Variants in CXCL12 observed in about 807,000 individuals in gnomAD.
The protein encoded by CXCL12 is C-X-C motif chemokine ligand 12, also known as stromal cell-derived factor 1.
CXCL12 carries 4 observed loss-of-function variants against 10.7 expected under a neutral mutation model. The ratio of observed to expected loss-of-function variants is 0.37; its 90% CI spans 0.18 to 0.86. The LOEUF (loss-of-function observed/expected upper bound fraction) is 0.86, where lower values mean the gene tolerates loss of function less well. CXCL12 is among the 40% of genes least tolerant of loss of function. The probability of loss-of-function intolerance (pLI) is 0.43; values close to 1 mark genes in which losing one functional copy is unlikely to be tolerated. For missense variants in CXCL12, 122 were observed against 110.4 expected (o/e 1.10, Z -0.47); for synonymous variants, 54 against 45.4 (o/e 1.19, Z -0.77).
At chr10:44,376,887 A>C (rs1016702825), downstream of CXCL12, among the ~76,000 whole-genome samples, 5 of 151,476 alleles carry the variant, frequency 3.3e-5, no homozygotes, top group Admixed American at 3.3e-4. Context: ...TTCTTCAGAA[A>C]ACCAGCACTG....
chr10:44,382,276 G>A (rs1343123042), intron 1 of CXCL12, among the ~76,000 whole-genome samples: 1 of 152,202 alleles, frequency 6.6e-6, no homozygotes, highest in East Asian at 1.9e-4. Flanking sequence ...AGCTGCACTG[G>A]GACCCTGCAG....
downstream of CXCL12, chr10:44,372,579 A>G: frequency 8.6e-7 from 1 of 1,157,008 alleles, no homozygotes; most frequent in East Asian, 3.6e-5. Context: ...AGACATTTTC[A>G]TTTCCTGCTT....
chr10:44,374,308 CG>C (rs367634600), downstream of CXCL12: 488 of 381,796 alleles, frequency 1.3e-3, 5 homozygotes, highest in African/African-American at 9.6e-3. Context: ...ATGTGGAGTC[CG>C]AAGAATGCAG....
chr10:44,377,259 A>C lies in CXCL12; in HGVS notation c.*1374T>G. 2.0e-6 allele frequency: 2 copies of C among 1,002,076 alleles called. No homozygotes were observed. The highest frequency in any genetic ancestry group is 2.4e-6 in the Non-Finnish European group (2 of 840,508). The allele number at this position is 1,002,076 out of a possible 1,614,324, so 62.1% of individuals were successfully genotyped here. A position where few individuals can be genotyped will look rare whatever the true frequency, so the allele number is the denominator to read the frequency against. On this transcript the variant is annotated 3_prime_UTR_variant, in exon 3 of 3. Coordinates refer to ENST00000343575, the MANE Select transcript of CXCL12 (RefSeq NM_199168.4). ...CTGCAATCACATTTATATATCATAT[A>C]TATTTCTTTACAAATTGCCAGTAGT...
Position 44,377,201 on chromosome 10 carries a change from G to C in CXCL12, c.*1432C>G. On this transcript the variant is annotated 3_prime_UTR_variant, in exon 3 of 3. Transcript: ENST00000343575. ...CACATTTGATACAATTTTAGTACAA[G>C]TGAAAAAATACACTGTGGCTAACAT... 1 of 986,932 alleles carries C rather than the reference G, an allele frequency of 1.0e-6. No homozygotes were observed. Among genetic ancestry groups the C allele is most frequent in the Non-Finnish European group, 1.2e-6 (1 of 831,016 alleles). The allele number at this position is 986,932 out of a possible 1,614,324, so 61.1% of individuals were successfully genotyped here. A position where few individuals can be genotyped will look rare whatever the true frequency, so the allele number is the denominator to read the frequency against.
downstream of CXCL12, chr10:44,374,293 G>A: frequency 2.7e-6 from 1 of 374,266 alleles, no homozygotes; most frequent in Non-Finnish European, 5.3e-6. Flanking sequence ...ACAAAGCCCT[G>A]CTGCATGTGG....
chr10:44,384,533 C>A (rs1444956878), intron 1 of CXCL12, among the ~76,000 whole-genome samples: 2 of 152,206 alleles, frequency 1.3e-5, no homozygotes, highest in African/African-American at 2.4e-5. Context: ...CAGCACTGTG[C>A]GCAGCAGGAC....
At chr10:44,373,278 G>T, downstream of CXCL12, 1 of 1,591,856 alleles carries the variant, frequency 6.3e-7, no homozygotes, top group African/African-American at 1.3e-5. Flanking sequence ...CCTAACACTG[G>T]TTTCAGAGCT....
downstream of CXCL12, chr10:44,372,628 C>A: frequency 7.5e-7 from 1 of 1,340,632 alleles, no homozygotes; most frequent in Non-Finnish European, 9.5e-7. Context: ...CCTGAGAGTC[C>A]TTTTGCAGGG....
downstream of CXCL12, chr10:44,371,123 A>C: frequency 4.8e-6 from 1 of 207,946 alleles, no homozygotes. Context: ...TGCAAATGGA[A>C]GACTGTATTT....
At chr10:44,373,848 C>A (rs376968192), downstream of CXCL12, among the ~76,000 whole-genome samples, 199 of 152,296 alleles carry the variant, frequency 1.3e-3, 1 homozygote, top group Non-Finnish European at 3.2e-4. Context: ...GGTGGGTGCA[C>A]AGGTGGCCAG....
downstream of CXCL12, chr10:44,374,232 G>T (rs978978878): frequency 5.7e-6 from 2 of 350,770 alleles, no homozygotes; most frequent in East Asian, 1.5e-4. Context: ...TCCCTAGGGG[G>T]CCAACAGCTT....
chr10:44,371,789 T>C (rs1839320596), downstream of CXCL12: 1 of 152,588 alleles, frequency 6.6e-6, no homozygotes, highest in Non-Finnish European at 1.5e-5. Context: ...AAATTTTTTT[T>C]AACTGGAGTC....
In CXCL12 at chr10:44,381,029, G is replaced by A. The variant is rs1214209885; in HGVS notation, c.62-149C>T. On this transcript the variant is annotated intron_variant, in intron 1 of 2. Coordinates refer to ENST00000343575, the MANE Select transcript of CXCL12 (RefSeq NM_199168.4). ...AGGTTACTGGTGTATGTTGGGAAAG[G>A]CCATCTCCTCAGGCAACACAGTGAG... 7 of 734,930 alleles carry A rather than the reference G, an allele frequency of 9.5e-6. 1 individual carries two copies. The Middle Eastern group carries it at 1.4e-3, about 145-fold the overall frequency. 45.5% of individuals were successfully genotyped at this position (734,930 alleles called of 1,614,324 possible).
chr10:44,378,157 G>A lies in CXCL12; in HGVS notation c.*476C>T. ...TGCTGCGGGAGCCTCAGTGTCTGAAGAAAGGACACTTTTTCCAGCTCCCTG... is the reference window on the plus strand; with the variant it reads ...TGCTGCGGGAGCCTCAGTGTCTGAAAAAAGGACACTTTTTCCAGCTCCCTG... On this transcript the variant is annotated 3_prime_UTR_variant, in exon 3 of 3. Coordinates refer to ENST00000343575, the MANE Select transcript of CXCL12 (RefSeq NM_199168.4). 1 of 1,430,114 alleles carries A rather than the reference G, an allele frequency of 7.0e-7. No individual in the cohort carries two copies. Among genetic ancestry groups the A allele is most frequent in the African/African-American group, 1.4e-5 (1 of 70,002 alleles). The allele number at this position is 1,430,114 out of a possible 1,614,324, so 88.6% of individuals were successfully genotyped here. A position where few individuals can be genotyped will look rare whatever the true frequency, so the allele number is the denominator to read the frequency against.
At chr10:44,376,356 C>T (rs536986782), downstream of CXCL12, among the ~76,000 whole-genome samples, 3 of 152,342 alleles carry the variant, frequency 2.0e-5, no homozygotes, top group East Asian at 1.9e-4. Context: ...GGCTGGCCAT[C>T]GTGGTCCTTG....
At position 44,377,738 on chromosome 10, in the gene CXCL12, CA is replaced by C. The variant is rs1166294994; in HGVS notation, c.*894del. ...TAAAGACTTGTCTTTTGCGGGTAAG[CA>C]GGGGGACCATTACACATCCCCAGGA... On this transcript the variant is annotated 3_prime_UTR_variant, in exon 3 of 3. Coordinates refer to ENST00000343575, the MANE Select transcript of CXCL12 (RefSeq NM_199168.4). 3 of 1,598,214 alleles carry C rather than the reference CA, an allele frequency of 1.9e-6. No homozygotes were observed. Among genetic ancestry groups the C allele is most frequent in the African/African-American group, 2.7e-5 (2 of 74,934 alleles).
chr10:44,377,875 C>G lies in CXCL12; in HGVS notation c.*758G>C. On this transcript the variant is annotated 3_prime_UTR_variant, in exon 3 of 3. Transcript: ENST00000343575. ...GCAGGGCACGAGCCCCAGCAATCAC[C>G]CTCTTCCCGGCTGGTGCGGCGCTGA... 2 of 1,581,088 alleles carry G rather than the reference C, an allele frequency of 1.3e-6. No individual in the cohort carries two copies. Among genetic ancestry groups the G allele is most frequent in the Non-Finnish European group, 1.7e-6 (2 of 1,171,804 alleles).
At chr10:44,374,247 T>A (rs1411940106), downstream of CXCL12, 1 of 351,406 alleles carries the variant, frequency 2.8e-6, no homozygotes, top group African/African-American at 2.1e-5. Flanking sequence ...CAGCTTTTCA[T>A]ACTGACCAGG....
Sources: gnomAD v4.1 joint callset for allele counts (sites outside exome capture counted in the v4.1 genomes callset) on GRCh38, gnomAD v4.1.1 for gene constraint, MANE v1.5 for transcripts, NCBI Gene and HGNC (gene_info 2026-07-23, HGNC 2026-07-21) for gene names.